Variants in ANKFY1 observed in about 807,000 individuals in gnomAD.
The protein encoded by ANKFY1 is ankyrin repeat and FYVE domain-containing protein 1.
In ANKFY1, 47 loss-of-function variants were observed where a neutral mutation model predicts 128.3. The ratio of observed to expected loss-of-function variants is 0.37; its 90% CI spans 0.29 to 0.47. ANKFY1 has a LOEUF of 0.47. Ranked by LOEUF, ANKFY1 falls within the 20% of genes least tolerant of loss-of-function variation. The probability of loss-of-function intolerance (pLI) is 1.00; values close to 1 mark genes in which losing one functional copy is unlikely to be tolerated. For missense variants in ANKFY1, 1,222 were observed against 1,510.6 expected, an observed-to-expected ratio of 0.81 and a Z score of 3.17; for synonymous variants, 553 against 601.6, an observed-to-expected ratio of 0.92 and a Z score of 1.18.
At chr17:4,194,278 G>T (rs2059776388) in intron 10 of ANKFY1, among the ~76,000 whole-genome samples, 1 of 150,486 alleles carries the variant, frequency 6.6e-6, no homozygotes, top group Admixed American at 6.6e-5. Flanking sequence ...CTGATAATTT[G>T]TTTTTTCAGT....
chr17:4,201,374 C>A (rs2059924795), intron 7 of ANKFY1, among the ~76,000 whole-genome samples: 3 of 152,178 alleles, frequency 2.0e-5, no homozygotes, highest in Non-Finnish European at 4.4e-5. Context: ...TCTATGCTTT[C>A]TTCCAAGAGA....
chr17:4,166,441 C>T lies in ANKFY1; in HGVS notation c.*1338G>A, dbSNP rs3760471. The T allele has an allele frequency of 1.4e-4, 21 of 152,594 alleles. No homozygotes were observed. In the East Asian group the frequency reaches 1.7e-3, roughly 13 times the overall value. The allele number at this position is 152,594 out of a possible 1,614,324, so 9.5% of individuals were successfully genotyped here. On this transcript the variant is annotated 3_prime_UTR_variant, in exon 25 of 25. Coordinates refer to ENST00000341657, the MANE Select transcript of ANKFY1 (RefSeq NM_001330063.2). ...TCTCAGAGTTGTTTTGTTTTAAAGC[C>T]GTGGTAGATGCTTCTCTTTAAATGT...
chr17:4,241,537 G>A (rs1967225295), intron 2 of ANKFY1, among the ~76,000 whole-genome samples: 1 of 151,630 alleles, frequency 6.6e-6, no homozygotes, highest in Non-Finnish European at 1.5e-5. Flanking sequence ...GCCTCCCAAA[G>A]TGCTGGGATT....
At chr17:4,175,353 AAAAG>A (rs548690406) in intron 19 of ANKFY1, among the ~76,000 whole-genome samples, 289 of 152,068 alleles carry the variant, frequency 1.9e-3, no homozygotes, top group African/African-American at 6.6e-3. Flanking sequence ...AAAGAAAAAA[AAAAG>A]AAAGAAAAAA....
At position 4,206,302 on chromosome 17, in the gene ANKFY1, C is replaced by T; in HGVS notation, c.898+19G>A. On this transcript the variant is annotated intron_variant, in intron 7 of 24. Transcript: ENST00000341657. ...AAAAATAAAATTGCCTGCAGGGAAA[C>T]ATACACACTTCTTCCTACCTCTTTG... 3 of 1,604,752 alleles carry T rather than the reference C, an allele frequency of 1.9e-6. No individual in the cohort carries two copies. In the African/African-American group the frequency reaches 4.0e-5, roughly 21 times the overall value.
intron 3 of ANKFY1, among the ~76,000 whole-genome samples, chr17:4,228,533 A>G (rs977178872): frequency 2.0e-5 from 3 of 151,572 alleles, no homozygotes; most frequent in Admixed American, 1.3e-4. Context: ...CTCCTACCTC[A>G]GCCTCCCAAG....
intron 19 of ANKFY1, among the ~76,000 whole-genome samples, chr17:4,175,224 T>C (rs1180358717): frequency 6.6e-6 from 1 of 151,112 alleles, no homozygotes; most frequent in Non-Finnish European, 1.5e-5. Flanking sequence ...TCACAGCTAC[T>C]CGGGAGGATG....
chr17:4,193,419 C>CTTTTTT (rs34747890), intron 10 of ANKFY1, among the ~76,000 whole-genome samples: 1 of 108,278 alleles, frequency 9.2e-6, no homozygotes, highest in East Asian at 2.5e-4. Flanking sequence ...CCAGTCGACT[C>CTTTTTT]TTTTTTTTTT....
chr17:4,222,219 C>A (rs1183729415), intron 3 of ANKFY1: 12 of 267,874 alleles, frequency 4.5e-5, no homozygotes, highest in Non-Finnish European at 8.3e-5. Flanking sequence ...CCGCCGCCCC[C>A]GCCGCCCCGC....
At chr17:4,255,735 G>C (rs1248643631) in intron 1 of ANKFY1, among the ~76,000 whole-genome samples, 1 of 151,936 alleles carries the variant, frequency 6.6e-6, no homozygotes, top group Non-Finnish European at 1.5e-5. Context: ...TAAAGTGTCA[G>C]CTTCCCAGAA....
At chr17:4,214,099 A>T (rs948589317) in intron 4 of ANKFY1, among the ~76,000 whole-genome samples, 13 of 152,242 alleles carry the variant, frequency 8.5e-5, no homozygotes, top group Non-Finnish European at 1.3e-4. Flanking sequence ...CCTAATACAC[A>T]GTATGATCTC....
chr17:4,205,048 A>G (rs1367089063), intron 7 of ANKFY1, among the ~76,000 whole-genome samples: 1 of 152,256 alleles, frequency 6.6e-6, no homozygotes, highest in African/African-American at 2.4e-5. Context: ...ATGTAACTAC[A>G]TTCCACCAAC....
intron 11 of ANKFY1, 100 bp downstream of exon 11, chr17:4,189,282 A>G (rs2059668055): frequency 1.0e-6 from 1 of 960,302 alleles, no homozygotes; most frequent in African/African-American, 1.6e-5. Context: ...CTGATTAAAA[A>G]CTGAAAAAAA....
At chr17:4,253,446 C>T (rs1967951286) in intron 1 of ANKFY1, among the ~76,000 whole-genome samples, 1 of 152,118 alleles carries the variant, frequency 6.6e-6, no homozygotes, top group Admixed American at 6.5e-5. Flanking sequence ...GTCAATTACA[C>T]CTCAATAAAT....
Position 4,166,872 on chromosome 17 carries a change from G to A in ANKFY1, c.*907C>T, listed in dbSNP as rs986555979. On this transcript the variant is annotated 3_prime_UTR_variant, in exon 25 of 25. Coordinates refer to ENST00000341657, the MANE Select transcript of ANKFY1 (RefSeq NM_001330063.2). ...AGTTTTTCCTTGGAGATTCGTGTGAGCTGAGGTCCAGTCAAAGCTGATCAT... is the reference window on the plus strand; with the variant it reads ...AGTTTTTCCTTGGAGATTCGTGTGAACTGAGGTCCAGTCAAAGCTGATCAT... The A allele has an allele frequency of 1.3e-5, 2 of 152,486 alleles. No individual in the cohort carries two copies. Among genetic ancestry groups the A allele is most frequent in the Non-Finnish European group, 2.9e-5 (2 of 68,042 alleles). 9.4% of individuals were successfully genotyped at this position (152,486 alleles called of 1,614,324 possible).
At chr17:4,203,692 G>A (rs915292164) in intron 7 of ANKFY1, among the ~76,000 whole-genome samples, 1 of 151,742 alleles carries the variant, frequency 6.6e-6, no homozygotes, top group African/African-American at 2.4e-5. Context: ...GCAGGTGCCT[G>A]TAATCCCAGC....
At chr17:4,185,851 G>A (rs1027998742) in intron 11 of ANKFY1, among the ~76,000 whole-genome samples, 12 of 152,010 alleles carry the variant, frequency 7.9e-5, no homozygotes, top group African/African-American at 2.2e-4. Flanking sequence ...CGCAGCCCCC[G>A]CCCGGACCTA....
intron 3 of ANKFY1, among the ~76,000 whole-genome samples, chr17:4,231,948 A>G (rs181145175): frequency 3.3e-5 from 5 of 152,154 alleles, no homozygotes; most frequent in East Asian, 1.9e-4. Flanking sequence ...AAAAAAAAAA[A>G]AAAGAAAGAA....
intron 3 of ANKFY1, among the ~76,000 whole-genome samples, chr17:4,221,870 G>A (rs2060320123): frequency 6.6e-6 from 1 of 152,194 alleles, no homozygotes; most frequent in Admixed American, 6.5e-5. Flanking sequence ...GCCCACTGTG[G>A]CCTCCCAAAG....
Sources: gnomAD v4.1 joint callset for allele counts (sites outside exome capture counted in the v4.1 genomes callset) on GRCh38, gnomAD v4.1.1 for gene constraint, MANE v1.5 for transcripts, NCBI Gene and HGNC (gene_info 2026-07-23, HGNC 2026-07-21) for gene names.